The following FRA10AC1 variants were observed in gnomAD, a reference collection of about 807,000 sequenced individuals.
FRA10AC1 encodes FRA10A associated CGG repeat 1, also known as protein FRA10AC1.
In FRA10AC1, 43 loss-of-function variants were observed where a neutral mutation model predicts 56.5. The observed-to-expected ratio is 0.76, with a 90% CI of 0.60 to 0.98. The LOEUF is 0.98. Ranked by LOEUF, FRA10AC1 falls within the 50% of genes least tolerant of loss-of-function variation. The pLI is 0.00. For missense variants in FRA10AC1, 346 were observed against 351.8 expected, an observed-to-expected ratio of 0.98 and a Z score of 0.13; for synonymous variants, 112 against 110.5, an observed-to-expected ratio of 1.01 and a Z score of -0.09.
chr10:93,702,037 C>A (rs1322572168), intron 1 of FRA10AC1, among the ~76,000 whole-genome samples: 1 of 152,038 alleles, frequency 6.6e-6, no homozygotes, highest in Non-Finnish European at 1.5e-5. Flanking sequence ...GTTACATCAT[C>A]ATCATCATCT....
At chr10:93,702,701 C>G, upstream of FRA10AC1, 1 of 236,188 alleles carries the variant, frequency 4.2e-6, no homozygotes, top group South Asian at 4.4e-5. Flanking sequence ...GGAGAAACGG[C>G]CCGGAAAGGG....
chr10:93,700,592 A>AG (rs2059314083), intron 1 of FRA10AC1, among the ~76,000 whole-genome samples: 1 of 152,242 alleles, frequency 6.6e-6, no homozygotes, highest in Non-Finnish European at 1.5e-5. Context: ...AAATCCAGTA[A>AG]GTGGCTAATC....
chr10:93,694,978 T>C, intron 4 of FRA10AC1, 41 bp from the exon 5 acceptor site: 1 of 1,044,164 alleles, frequency 9.6e-7, no homozygotes, highest in Non-Finnish European at 1.5e-6. Context: ...TCTTAGGAGC[T>C]GTTTGGTGTC....
intron 9 of FRA10AC1, among the ~76,000 whole-genome samples, chr10:93,684,756 T>C (rs117713763): frequency 0.018 from 2,723 of 152,286 alleles, 33 homozygotes; most frequent in Middle Eastern, 0.058. Flanking sequence ...AAAACATGCA[T>C]CCTAAGGGAA....
intron 8 of FRA10AC1, among the ~76,000 whole-genome samples, chr10:93,686,411 C>T (rs2059028600): frequency 1.3e-5 from 2 of 151,798 alleles, no homozygotes; most frequent in Admixed American, 1.3e-4. Context: ...TAGAGACTAC[C>T]CATCAATTTT....
Position 93,694,945 on chromosome 10 carries a change from G to T in FRA10AC1, c.220-8C>A. 3 of 1,377,494 alleles carry T rather than the reference G, an allele frequency of 2.2e-6. No homozygotes were observed. Among genetic ancestry groups the T allele is most frequent in the Non-Finnish European group, 1.0e-6 (1 of 966,362 alleles). The allele number at this position is 1,377,494 out of a possible 1,614,324, so 85.3% of individuals were successfully genotyped here. A position where few individuals can be genotyped will look rare whatever the true frequency, so the allele number is the denominator to read the frequency against. On this transcript the variant is annotated splice_region_variant and splice_polypyrimidine_tract_variant and intron_variant, in intron 4 of 13. Coordinates refer to ENST00000359204, the MANE Select transcript of FRA10AC1 (RefSeq NM_145246.5). ...CTTTGTATGTCTTTGATACTGAAAT[G>T]CAAAAAATTAAGGATTTTATTCTCT...
At chr10:93,691,167 T>C (rs948880849) in intron 7 of FRA10AC1, among the ~76,000 whole-genome samples, 2 of 152,186 alleles carry the variant, frequency 1.3e-5, no homozygotes, top group African/African-American at 4.8e-5. Context: ...AATTTGATGT[T>C]TGAGATAGAA....
intron 2 of FRA10AC1, among the ~76,000 whole-genome samples, chr10:93,698,815 TC>T (rs1360412610): frequency 6.6e-6 from 1 of 152,206 alleles, no homozygotes; most frequent in Non-Finnish European, 1.5e-5. Context: ...AAACCACAGA[TC>T]CAGCTCGCCC....
In FRA10AC1 at chr10:93,673,639, T is replaced by C. The variant is rs78994023; in HGVS notation, c.827-2791A>G. Reference sequence around the variant, plus strand: ...AGGTCAGATTTTTATAGACTTAACTTTTGATTTCATCAATTCTAGAGAACA... The same window carrying C: ...AGGTCAGATTTTTATAGACTTAACTCTTGATTTCATCAATTCTAGAGAACA... On this transcript the variant is annotated intron_variant, in intron 12 of 13. Transcript: ENST00000359204. 1,942 of 354,174 alleles carry C rather than the reference T, an allele frequency of 5.5e-3. 45 individuals are homozygous for C. Among genetic ancestry groups the C allele is most frequent in the African/African-American group, 0.038 (1,760 of 46,796 alleles). 21.9% of individuals were successfully genotyped at this position (354,174 alleles called of 1,614,324 possible).
At chr10:93,697,911 A>C (rs923979698) in intron 4 of FRA10AC1, among the ~76,000 whole-genome samples, 1 of 152,192 alleles carries the variant, frequency 6.6e-6, no homozygotes, top group East Asian at 1.9e-4. Context: ...AAACCTATTT[A>C]TAGAGTACTA....
At chr10:93,673,134 G>T in intron 12 of FRA10AC1, 1 of 317,852 alleles carries the variant, frequency 3.1e-6, no homozygotes, top group East Asian at 9.1e-5. Context: ...CTACTCCAGA[G>T]GCAGCCCATT....
rs1012348727 is a variant in FRA10AC1 at position 93,669,595 on chromosome 10, A to G, written c.*231T>C. The G allele has an allele frequency of 6.9e-5, 34 of 490,876 alleles. No homozygotes were observed. Among genetic ancestry groups the G allele is most frequent in the Non-Finnish European group, 1.2e-4 (32 of 276,046 alleles). 30.4% of individuals were successfully genotyped at this position (490,876 alleles called of 1,614,324 possible). ...ATCCTCTAGGAGCTACAAATAAAAC[A>G]GAATTGTAGATAAGCAATTGAAAAG... On this transcript the variant is annotated 3_prime_UTR_variant, in exon 14 of 14. Coordinates refer to ENST00000359204, the MANE Select transcript of FRA10AC1 (RefSeq NM_145246.5).
Position 93,693,598 on chromosome 10 carries a change from C to CATATATATACACACCAT in FRA10AC1, c.297-886_297-870dup, listed in dbSNP as rs1456062915. Among the ~76,000 whole-genome samples the CATATATATACACACCAT allele has an allele frequency of 2.3e-5, 3 of 132,086 alleles. No individual in the cohort carries two copies. The South Asian group carries it at 7.2e-4, about 32-fold the overall frequency. 86.7% of individuals were successfully genotyped at this position (132,086 alleles called of 152,430 possible). A position where few individuals can be genotyped will look rare whatever the true frequency, so the allele number is the denominator to read the frequency against. ...ATACACACCATATATATATACACAC[C>CATATATATACACACCAT]ATATATATACACACCATATATATAT... On this transcript the variant is annotated intron_variant, in intron 5 of 13. Transcript: ENST00000359204.
intron 5 of FRA10AC1, among the ~76,000 whole-genome samples, chr10:93,693,949 G>A (rs2059185513): frequency 6.6e-6 from 1 of 151,806 alleles, no homozygotes. Context: ...AGGGAGGTGA[G>A]GGATAAAAGA....
At chr10:93,687,543 A>C in intron 7 of FRA10AC1, 94 bp from the exon 8 acceptor site, 1 of 1,133,574 alleles carries the variant, frequency 8.8e-7, no homozygotes, top group Non-Finnish European at 1.2e-6. Flanking sequence ...CAACCTAAAA[A>C]ATAAATGTAA....
intron 7 of FRA10AC1, among the ~76,000 whole-genome samples, chr10:93,689,598 C>G (rs1012538967): frequency 3.3e-5 from 5 of 152,116 alleles, no homozygotes; most frequent in African/African-American, 4.8e-5. Flanking sequence ...ACCTATTGGG[C>G]TTGGCATTCC....
At chr10:93,693,673 C>CATATATATAT (rs368987348) in intron 5 of FRA10AC1, among the ~76,000 whole-genome samples, 8 of 92,100 alleles carry the variant, frequency 8.7e-5, no homozygotes, top group Admixed American at 2.4e-4. Context: ...ATATATACAC[C>CATATATATAT]ATATATATAT....
intron 7 of FRA10AC1, 177 bp downstream of exon 7, chr10:93,691,832 C>A: frequency 1.8e-6 from 1 of 561,688 alleles, no homozygotes; most frequent in South Asian, 3.1e-5. Flanking sequence ...TTCCATAGGC[C>A]TTTTGTAAAC....
At chr10:93,695,928 T>C (rs1300395287) in intron 4 of FRA10AC1, among the ~76,000 whole-genome samples, 2 of 152,190 alleles carry the variant, frequency 1.3e-5, no homozygotes, top group Admixed American at 6.5e-5. Context: ...CTGTTGCAAA[T>C]GCTCAGTTCT....
Sources: gnomAD v4.1 joint callset for allele counts (sites outside exome capture counted in the v4.1 genomes callset) on GRCh38, gnomAD v4.1.1 for gene constraint, MANE v1.5 for transcripts, NCBI Gene and HGNC (gene_info 2026-07-23, HGNC 2026-07-21) for gene names.